GABRB3: variants seen among roughly 807,000 people sequenced by gnomAD.
GABRB3 encodes gamma-aminobutyric acid type A receptor subunit beta3.
GABRB3 carries 14 observed loss-of-function variants against 52.1 expected under a neutral mutation model. The ratio of observed to expected loss-of-function variants is 0.27; its 90% CI spans 0.18 to 0.42. GABRB3 has a LOEUF of 0.42. GABRB3 is among the 10% of genes least tolerant of loss of function. The pLI, the probability that GABRB3 is intolerant of heterozygous loss-of-function variation, is 1.00. For synonymous variants in GABRB3, 260 were observed against 232.3 expected, an observed-to-expected ratio of 1.12 and a Z score of -1.08; for missense variants, 307 against 609.1, an observed-to-expected ratio of 0.50 and a Z score of 5.22.
Position 26,772,693 on chromosome 15 carries a change from G to C in GABRB3, c.160C>G (p.Pro54Ala). 1.3e-6 allele frequency: 2 copies of C among 1,575,838 alleles called. No homozygotes were observed. Among genetic ancestry groups the C allele is most frequent in the Non-Finnish European group, 1.7e-6 (2 of 1,161,158 alleles). The change falls in exon 2 of 9, where the codon CCC (proline) becomes GCC (alanine). Residue 54 changes from proline to alanine, a missense_variant. Around this residue, in one of 6 missense-constraint regions of GABRB3, gnomAD observed 90 missense variants for 86.4 expected, o/e 1.04. Coordinates refer to ENST00000311550, the MANE Select transcript of GABRB3 (RefSeq NM_000814.6). Reference sequence around the variant, plus strand: ...GCAGCCCACTTACCCCCGAAGTCGGGTCTTAGGCGAATGTCGTAGCCTTTC... The same window carrying C: ...GCAGCCCACTTACCCCCGAAGTCGGCTCTTAGGCGAATGTCGTAGCCTTTC... ...LLKGYDIRLRPDFGGPPVCVG... is the reference protein window; with the variant it reads ...LLKGYDIRLRADFGGPPVCVG...
At chr15:26,598,376 T>A (rs763342324) in intron 4 of GABRB3, among the ~76,000 whole-genome samples, 8 of 152,166 alleles carry the variant, frequency 5.3e-5, no homozygotes, top group Non-Finnish European at 1.2e-4. Flanking sequence ...GGAAGTGATG[T>A]CACCAAGTGG....
chr15:26,742,701 C>T (rs1225603511), intron 3 of GABRB3, among the ~76,000 whole-genome samples: 2 of 152,278 alleles, frequency 1.3e-5, no homozygotes, highest in African/African-American at 4.8e-5. Context: ...GACCTGCCCT[C>T]GTTTCCAACT....
chr15:26,732,492 C>G (rs1889955382), intron 3 of GABRB3, among the ~76,000 whole-genome samples: 1 of 152,072 alleles, frequency 6.6e-6, no homozygotes, highest in Non-Finnish European at 1.5e-5. Flanking sequence ...TTTTGGGAGG[C>G]AGAGATGGGA....
intron 8 of GABRB3, among the ~76,000 whole-genome samples, chr15:26,557,105 G>T (rs1199786006): frequency 6.6e-6 from 1 of 152,158 alleles, no homozygotes; most frequent in Non-Finnish European, 1.5e-5. Flanking sequence ...GCCATAAAAA[G>T]AAGATCATGT....
At chr15:26,604,982 G>A (rs564631384) in intron 4 of GABRB3, among the ~76,000 whole-genome samples, 17 of 151,998 alleles carry the variant, frequency 1.1e-4, no homozygotes, top group Non-Finnish European at 2.2e-4. Flanking sequence ...AACAGAATAA[G>A]CCACAAAACA....
At chr15:26,765,363 AATACTTTAC>A (rs1890969268) in intron 3 of GABRB3, among the ~76,000 whole-genome samples, 1 of 152,178 alleles carries the variant, frequency 6.6e-6, no homozygotes, top group Non-Finnish European at 1.5e-5. Context: ...CCAGCTACAG[AATACTTTAC>A]AGACTTTGTG....
At position 26,560,967 on chromosome 15, in the gene GABRB3, C is replaced by A; in HGVS notation, c.1045G>T (p.Ala349Ser). ...QKKLAEKTAK[A>S]KNDRSKSESN... Reference sequence around the variant, plus strand: ...TCGCTCTTTGAACGGTCATTCTTTGCCTTGGCTGTCTTTTCTGCAAGCTTC... The same window carrying A: ...TCGCTCTTTGAACGGTCATTCTTTGACTTGGCTGTCTTTTCTGCAAGCTTC... The change falls in exon 8 of 9, where the codon GCA becomes TCA. Residue 349 changes from alanine to serine, a missense_variant. Ala to Ser is a moderately conservative substitution (Grantham distance 99). Coordinates refer to ENST00000311550, the MANE Select transcript of GABRB3 (RefSeq NM_000814.6). 1 of 1,614,078 alleles carries A rather than the reference C, an allele frequency of 6.2e-7. No homozygotes were observed.
rs372750222 is a variant in GABRB3 at position 26,772,366 on chromosome 15, G to A, written c.240+36C>T. ...CCTGTGATCCCAGACAGCGGGCCGG[G>A]GGCTCAGGGACCGCCCTGGGAGGGC... On this transcript the variant is annotated intron_variant, in intron 3 of 8. Coordinates refer to ENST00000311550, the MANE Select transcript of GABRB3 (RefSeq NM_000814.6). 748 of 1,572,824 alleles carry A rather than the reference G, an allele frequency of 4.8e-4. 1 individual carries two copies. Among genetic ancestry groups the A allele is most frequent in the Non-Finnish European group, 5.8e-4 (669 of 1,152,228 alleles).
intron 8 of GABRB3, among the ~76,000 whole-genome samples, chr15:26,550,551 A>G (rs1889418639): frequency 6.6e-6 from 1 of 152,258 alleles, no homozygotes; most frequent in Non-Finnish European, 1.5e-5. Context: ...GGGAATATAA[A>G]TTAGTACAGC....
intron 3 of GABRB3, among the ~76,000 whole-genome samples, chr15:26,722,806 G>C (rs114416172): frequency 0.021 from 3,135 of 152,204 alleles, 118 homozygotes; most frequent in African/African-American, 0.072. Context: ...TCCGAGGGCT[G>C]GGCTTCCTCG....
intron 3 of GABRB3, among the ~76,000 whole-genome samples, chr15:26,631,204 C>A (rs980382240): frequency 6.6e-6 from 1 of 152,294 alleles, no homozygotes; most frequent in African/African-American, 2.4e-5. Flanking sequence ...TATATACAAG[C>A]AGCAGCAACA....
intron 3 of GABRB3, among the ~76,000 whole-genome samples, chr15:26,762,549 A>G (rs549520592): frequency 6.6e-6 from 1 of 152,330 alleles, no homozygotes; most frequent in East Asian, 1.9e-4. Context: ...AGTCAAATAT[A>G]TCTGGAAAAC....
At chr15:26,646,107 C>T (rs567235066) in intron 3 of GABRB3, among the ~76,000 whole-genome samples, 2 of 152,124 alleles carry the variant, frequency 1.3e-5, no homozygotes, top group African/African-American at 4.8e-5. Context: ...AGGGTACAAT[C>T]GAATCATTTA....
At chr15:26,629,090 T>C (rs1892827580) in intron 3 of GABRB3, 4 of 1,535,786 alleles carry the variant, frequency 2.6e-6, no homozygotes, top group Non-Finnish European at 1.7e-6. Context: ...AAGTTGTGAC[T>C]GTCGCTTCCT....
At chr15:26,741,734 G>A (rs915618960) in intron 3 of GABRB3, among the ~76,000 whole-genome samples, 3 of 151,994 alleles carry the variant, frequency 2.0e-5, no homozygotes, top group African/African-American at 7.2e-5. Flanking sequence ...TCAGCCTCCC[G>A]AGTAGGTGAG....
chr15:26,553,799 G>C (rs1454355078), intron 8 of GABRB3, among the ~76,000 whole-genome samples: 1 of 151,638 alleles, frequency 6.6e-6, no homozygotes, highest in Non-Finnish European at 1.5e-5. Flanking sequence ...CACCCTCAAG[G>C]GGTCTAACTG....
At chr15:26,570,219 T>C (rs1890342823) in intron 6 of GABRB3, among the ~76,000 whole-genome samples, 1 of 152,226 alleles carries the variant, frequency 6.6e-6, no homozygotes, top group African/African-American at 2.4e-5. Context: ...ATTTCAGAGT[T>C]TGACATGAGG....
rs1180162727 is a variant in GABRB3 at position 26,772,728 on chromosome 15, T to C, written c.125A>G (p.Asp42Gly). Reference sequence around the variant, plus strand: ...AATGTCGTAGCCTTTCAACAGCTTGTCCACCGTCTCCTTCACAAAGGACAT... The same window carrying C: ...AATGTCGTAGCCTTTCAACAGCTTGCCCACCGTCTCCTTCACAAAGGACAT... ...GNMSFVKETV[D>G]KLLKGYDIRL... The change falls in exon 2 of 9, where the codon GAC becomes GGC. Residue 42 changes from aspartate (D) to glycine (G), a missense_variant. Asp to Gly is a moderately conservative substitution (Grantham distance 94). Coordinates refer to ENST00000311550, the MANE Select transcript of GABRB3 (RefSeq NM_000814.6). The C allele has an allele frequency of 1.9e-6, 3 of 1,573,038 alleles. No individual in the cohort carries two copies. Among genetic ancestry groups the C allele is most frequent in the Admixed American group, 1.8e-5 (1 of 56,654 alleles).
At chr15:26,630,309 G>C (rs956140051) in intron 3 of GABRB3, among the ~76,000 whole-genome samples, 6 of 152,100 alleles carry the variant, frequency 3.9e-5, no homozygotes, top group Non-Finnish European at 8.8e-5. Context: ...AGGTTCCTGT[G>C]GACATTGCAG....
Sources: gnomAD v4.1 joint callset for allele counts (sites outside exome capture counted in the v4.1 genomes callset) on GRCh38, gnomAD v4.1.1 for gene constraint, gnomAD v4.1.1 regional missense constraint, MANE v1.5 for transcripts, NCBI Gene and HGNC (gene_info 2026-07-23, HGNC 2026-07-21) for gene names.